C12orf56: variants seen among roughly 807,000 people sequenced by gnomAD.
C12orf56 encodes the protein uncharacterized protein C12orf56.
In C12orf56, 71 loss-of-function variants were observed where a neutral mutation model predicts 69.9. The observed-to-expected ratio is 1.02, with a 90% confidence interval of 0.84 to 1.24. The LOEUF is 1.24. Among genes scored for constraint, C12orf56 ranks in the 50% most tolerant of loss-of-function variants. The pLI is 0.00. For synonymous variants in C12orf56, 276 were observed against 274.1 expected (o/e 1.01, Z -0.07); for missense variants, 732 against 738.5 (o/e 0.99, Z 0.10).
chr12:64,385,224 C>A (rs1333492183), intron 1 of C12orf56, among the ~76,000 whole-genome samples: 1 of 152,092 alleles, frequency 6.6e-6, no homozygotes, highest in Non-Finnish European at 1.5e-5. Context: ...GAAAATGAAC[C>A]ACATCAAACA....
At chr12:64,319,939 C>G (rs1053682606) in intron 3 of C12orf56, among the ~76,000 whole-genome samples, 12 of 152,136 alleles carry the variant, frequency 7.9e-5, no homozygotes, top group Non-Finnish European at 1.6e-4. Context: ...TGTTACGGCT[C>G]GAGCTGAGCT....
intron 1 of C12orf56, among the ~76,000 whole-genome samples, chr12:64,367,868 C>A (rs1325307133): frequency 1.3e-5 from 2 of 148,908 alleles, no homozygotes; most frequent in Non-Finnish European, 3.0e-5. Flanking sequence ...AGTGCAGTGG[C>A]ACAATCTCAG....
Position 64,309,905 on chromosome 12 carries a change from A to T in C12orf56, c.968+2774T>A, listed in dbSNP as rs192518258. On this transcript the variant is annotated intron_variant, in intron 5 of 12. Transcript: ENST00000543942. ...TGTGTATTTTATATTACATCAAATA[A>T]TGAGGCACACAAAGTCTGGCTGTCT... is the stretch of plus-strand genomic sequence containing the variant. 1.1e-4 allele frequency among the ~76,000 whole-genome samples: 17 copies of T among 152,332 alleles called. No individual in the cohort carries two copies. In the East Asian group the frequency reaches 3.1e-3, roughly 28 times the overall value.
intron 1 of C12orf56, among the ~76,000 whole-genome samples, chr12:64,363,458 G>A (rs1458386375): frequency 1.3e-5 from 2 of 152,144 alleles, no homozygotes; most frequent in Non-Finnish European, 2.9e-5. Flanking sequence ...GACCCACGAG[G>A]GGGATATCAT....
chr12:64,292,925 G>T (rs1565741356), intron 6 of C12orf56, among the ~76,000 whole-genome samples: 1 of 143,594 alleles, frequency 7.0e-6, no homozygotes, highest in Non-Finnish European at 1.5e-5. Flanking sequence ...GCAAGCCTGG[G>T]CAATGGCGGG....
chr12:64,374,646 T>C (rs2039617684), intron 1 of C12orf56, among the ~76,000 whole-genome samples: 1 of 151,278 alleles, frequency 6.6e-6, no homozygotes, highest in South Asian at 2.1e-4. Flanking sequence ...CAGGTTCCAG[T>C]GATTCTCCTG....
At chr12:64,363,722 C>T (rs1209064303) in intron 1 of C12orf56, among the ~76,000 whole-genome samples, 3 of 152,114 alleles carry the variant, frequency 2.0e-5, no homozygotes, top group Admixed American at 6.6e-5. Flanking sequence ...GAGTTTAGCA[C>T]GAGGCCACCA....
At chr12:64,281,509 T>C (rs929902530) in intron 8 of C12orf56, among the ~76,000 whole-genome samples, 1 of 151,900 alleles carries the variant, frequency 6.6e-6, no homozygotes, top group Non-Finnish European at 1.5e-5. Flanking sequence ...GAGGTAGAGG[T>C]TGCAGTGAGC....
intron 2 of C12orf56, among the ~76,000 whole-genome samples, chr12:64,333,402 C>G (rs1297596985): frequency 6.6e-6 from 1 of 151,592 alleles, no homozygotes; most frequent in Admixed American, 6.6e-5. Context: ...TGAATTCTCT[C>G]TTTTTTGTGC....
chr12:64,309,310 C>T (rs1005311206), intron 5 of C12orf56, among the ~76,000 whole-genome samples: 1 of 152,150 alleles, frequency 6.6e-6, no homozygotes, highest in Non-Finnish European at 1.5e-5. Context: ...TCCCCAACCC[C>T]GGAGACCTCT....
intron 1 of C12orf56, among the ~76,000 whole-genome samples, chr12:64,385,969 C>T (rs536288279): frequency 3.3e-5 from 5 of 152,182 alleles, no homozygotes; most frequent in Non-Finnish European, 7.4e-5. Context: ...TGAGACCAGC[C>T]TGGGAAACAT....
intron 2 of C12orf56, among the ~76,000 whole-genome samples, chr12:64,331,322 G>A (rs971556280): frequency 5.3e-5 from 8 of 152,146 alleles, no homozygotes; most frequent in Middle Eastern, 3.4e-3. Context: ...GCAACATAAC[G>A]AGATGTCATC....
At chr12:64,294,508 A>C (rs2038339276) in intron 6 of C12orf56, among the ~76,000 whole-genome samples, 2 of 152,230 alleles carry the variant, frequency 1.3e-5, no homozygotes, top group South Asian at 4.1e-4. Flanking sequence ...AAAAAAAAGG[A>C]AATTGTGATA....
intron 1 of C12orf56, among the ~76,000 whole-genome samples, chr12:64,386,397 TA>T (rs1436236261): frequency 3.8e-4 from 38 of 100,924 alleles, no homozygotes; most frequent in African/African-American, 1.4e-3. Context: ...TATATATATA[TA>T]TTTTTTTTTT....
rs1408322922 is a variant in C12orf56, at chr12:64,366,966, A to G, written c.253-13910T>C. The stretch of plus-strand genomic sequence containing the variant: ...ATACACTTTATATATTATATATAAC[A>G]TACACTTTATATATTATATATAACA... On this transcript the variant is annotated intron_variant, in intron 1 of 12. Transcript: ENST00000543942. Among the ~76,000 whole-genome samples, 55 of 115,810 alleles carry G rather than the reference A, an allele frequency of 4.7e-4. 2 individuals are homozygous for G. The highest frequency in any genetic ancestry group is 1.8e-3 in the African/African-American group (52 of 29,218). The allele number at this position is 115,810 out of a possible 152,430, so 76.0% of individuals were successfully genotyped here. A position where few individuals can be genotyped will look rare whatever the true frequency, so the allele number is the denominator to read the frequency against.
Position 64,369,321 on chromosome 12 carries a change from C to T in C12orf56, c.253-16265G>A, listed in dbSNP as rs376006754. On this transcript the variant is annotated intron_variant, in intron 1 of 12. Coordinates refer to ENST00000543942, the MANE Select transcript of C12orf56 (RefSeq NM_001170633.2). ...CAAATGATTCTCCTGCCTCAGCCTC[C>T]CAAATAGCTGGGATTACAGGCATGT... 8.5e-5 allele frequency among the ~76,000 whole-genome samples: 13 copies of T among 152,224 alleles called. No homozygotes were observed. In the East Asian group the frequency reaches 1.4e-3, roughly 16 times the overall value.
At chr12:64,304,721 C>T (rs1171281675) in intron 5 of C12orf56, among the ~76,000 whole-genome samples, 2 of 152,116 alleles carry the variant, frequency 1.3e-5, no homozygotes, top group African/African-American at 2.4e-5. Context: ...ACGAGGTGGC[C>T]GGCTCTGGCC....
chr12:64,277,812 A>T lies in C12orf56; in HGVS notation c.1311-9T>A. ...GATTAAATAGTGCTCCCCTGGAAAAAAATAAATAAAAGGCAATTAGTGAGC... is the reference window on the plus strand; with the variant it reads ...GATTAAATAGTGCTCCCCTGGAAAATAATAAATAAAAGGCAATTAGTGAGC... On this transcript the variant is annotated splice_polypyrimidine_tract_variant and intron_variant, in intron 8 of 12. Coordinates refer to ENST00000543942, the MANE Select transcript of C12orf56 (RefSeq NM_001170633.2). The T allele has an allele frequency of 6.5e-7, 1 of 1,532,326 alleles. No homozygotes were observed. The allele number at this position is 1,532,326 out of a possible 1,614,324, so 94.9% of individuals were successfully genotyped here.
intron 6 of C12orf56, among the ~76,000 whole-genome samples, 194 bp downstream of exon 6, chr12:64,303,441 C>A (rs1411241364): frequency 1.3e-5 from 2 of 151,050 alleles, no homozygotes; most frequent in African/African-American, 4.9e-5. Context: ...CATCTCCCCT[C>A]CACACACACA....
Sources: gnomAD v4.1 joint callset for allele counts (sites outside exome capture counted in the v4.1 genomes callset) on GRCh38, gnomAD v4.1.1 for gene constraint, MANE v1.5 for transcripts, NCBI Gene and HGNC (gene_info 2026-07-23, HGNC 2026-07-21) for gene names.